SERAC1: variants seen among roughly 807,000 people sequenced by gnomAD.
The protein encoded by SERAC1 is serine active site containing 1.
SERAC1 carries 36 observed loss-of-function variants against 85.7 expected under a neutral mutation model. The ratio of observed to expected loss-of-function variants is 0.42; its 90% confidence interval spans 0.32 to 0.55. SERAC1 has a LOEUF of 0.55. Ranked by LOEUF, SERAC1 falls within the 20% of genes least tolerant of loss-of-function variation. SERAC1 has a pLI of 0.11. For missense variants in SERAC1, 629 were observed against 796.2 expected, an observed-to-expected ratio of 0.79 and a Z score of 2.53; for synonymous variants, 242 against 265.3, an observed-to-expected ratio of 0.91 and a Z score of 0.85.
rs961410433 is a variant in SERAC1, at chr6:158,117,455, G to A, written c.1403+272C>T. On this transcript the variant is annotated intron_variant, in intron 13 of 16. Coordinates refer to ENST00000647468, the MANE Select transcript of SERAC1 (RefSeq NM_032861.4). The surrounding 1 kb of genome is among the most constrained non-coding windows in gnomAD (Gnocchi z 4.3). ...TTTACTTCTGATAGAAAAGGAGACT[G>A]CTAGACAATCCACGATCCTTCACTA... 44 of 1,492,484 alleles carry A rather than the reference G, an allele frequency of 2.9e-5. No homozygotes were observed. Among genetic ancestry groups the A allele is most frequent in the Non-Finnish European group, 3.8e-5 (42 of 1,102,862 alleles). The allele number at this position is 1,492,484 out of a possible 1,614,324, so 92.5% of individuals were successfully genotyped here. A position where few individuals can be genotyped will look rare whatever the true frequency, so the allele number is the denominator to read the frequency against.
rs754630732 is a variant in SERAC1, at chr6:158,155,339, TTTA to T, written c.101_103del (p.Ile34del). On this transcript the variant is annotated inframe_deletion, in exon 3 of 17. Coordinates refer to ENST00000647468, the MANE Select transcript of SERAC1 (RefSeq NM_032861.4). ...CCCTAAAATAAGTGATCCAGTAAAC[TTTA>T]TTATATTTCCTTCAAAAGAAAAAAA... The T allele has an allele frequency of 1.9e-4, 301 of 1,553,002 alleles. 2 individuals carry two copies. In the South Asian group the frequency reaches 3.1e-3, roughly 16 times the overall value.
At chr6:158,158,438 A>G in intron 1 of SERAC1, 74 bp from the exon 2 acceptor site, 1 of 1,142,768 alleles carries the variant, frequency 8.8e-7, no homozygotes, top group East Asian at 2.4e-5. Context: ...CTACAAGAAC[A>G]TGTTACCATC....
Position 158,152,347 on chromosome 6 carries a change from C to T in SERAC1, c.129-1758G>A, listed in dbSNP as rs552994483. The stretch of plus-strand genomic sequence containing the variant: ...CCTGGCCAACATGGCAAAACCAAGG[C>T]TCTACTAAAAATACAAAACTTAGCC... On this transcript the variant is annotated intron_variant, in intron 3 of 16. Coordinates refer to ENST00000647468, the MANE Select transcript of SERAC1 (RefSeq NM_032861.4). 1.6e-3 allele frequency among the ~76,000 whole-genome samples: 241 copies of T among 152,288 alleles called. 1 individual carries two copies. Among genetic ancestry groups the T allele is most frequent in the African/African-American group, 5.5e-3 (230 of 41,556 alleles).
chr6:158,128,268 T>C lies in SERAC1; in HGVS notation c.855A>G (p.Ile285Met), dbSNP rs745441822. Residue 285 changes from isoleucine to methionine, a missense_variant and splice_region_variant, in exon 10 of 17, where the codon ATA (isoleucine) becomes ATG (methionine). Coordinates refer to ENST00000647468, the MANE Select transcript of SERAC1 (RefSeq NM_032861.4). ...CLEAIVKHSE[I>M]STHCDKIEAN... is the part of the protein sequence containing the mutation. ...CTTCGATTTTATCACAATGTGTGGA[T>C]ATCTGGCACAATAAATAAACAGAAG... 2.2e-5 allele frequency: 36 copies of C among 1,613,056 alleles called. 1 individual carries two copies. In the South Asian group the frequency reaches 3.9e-4, roughly 17 times the overall value.
At chr6:158,128,416 G>A in intron 9 of SERAC1, 146 bp from the exon 10 acceptor site, 1 of 652,736 alleles carries the variant, frequency 1.5e-6, no homozygotes, top group Non-Finnish European at 2.6e-6. Flanking sequence ...GTCTCAGCTT[G>A]CTTAAATAAG....
rs1159200644 is a variant in SERAC1 at position 158,113,642 on chromosome 6, T to C, written c.1685-50A>G. The C allele has an allele frequency of 2.0e-6, 3 of 1,463,542 alleles. 1 individual carries two copies. The South Asian group carries it at 3.9e-5, about 19-fold the overall frequency. 90.7% of individuals were successfully genotyped at this position (1,463,542 alleles called of 1,614,324 possible). On this transcript the variant is annotated intron_variant, in intron 15 of 16. Coordinates refer to ENST00000647468, the MANE Select transcript of SERAC1 (RefSeq NM_032861.4). ...TGTGACAAGTTGTTTACCCAATTCATAATAAAATGCATTAATCTTTCAAAT... is the reference window on the plus strand; with the variant it reads ...TGTGACAAGTTGTTTACCCAATTCACAATAAAATGCATTAATCTTTCAAAT...
At chr6:158,142,240 A>C (rs967272476) in intron 8 of SERAC1, among the ~76,000 whole-genome samples, 1 of 151,888 alleles carries the variant, frequency 6.6e-6, no homozygotes, top group African/African-American at 2.4e-5. Context: ...AGCTCACTGA[A>C]GCCTCAGTCT....
chr6:158,133,870 G>GT (rs1784736679), intron 8 of SERAC1, among the ~76,000 whole-genome samples: 1 of 152,146 alleles, frequency 6.6e-6, no homozygotes, highest in Non-Finnish European at 1.5e-5. Flanking sequence ...AATTACCTTT[G>GT]TTTTTTCCTA....
chr6:158,140,286 T>C (rs1193245768), intron 8 of SERAC1, among the ~76,000 whole-genome samples: 1 of 152,160 alleles, frequency 6.6e-6, no homozygotes, highest in African/African-American at 2.4e-5. Context: ...TCTGCCCTAC[T>C]CAACCTCTAG....
At chr6:158,156,827 A>C (rs531672576) in intron 2 of SERAC1, among the ~76,000 whole-genome samples, 75 of 133,894 alleles carry the variant, frequency 5.6e-4, no homozygotes, top group African/African-American at 2.0e-3. Context: ...TAATATATTA[A>C]TATATTATAT....
chr6:158,123,072 T>C (rs1383174889), intron 10 of SERAC1, among the ~76,000 whole-genome samples: 1 of 152,126 alleles, frequency 6.6e-6, no homozygotes, highest in Non-Finnish European at 1.5e-5. Flanking sequence ...AGACACAGGA[T>C]GCCTAAAGAG....
chr6:158,148,972 T>C lies in SERAC1; in HGVS notation c.266-18A>G, dbSNP rs751731905. 3.2e-6 allele frequency: 5 copies of C among 1,565,204 alleles called. No individual in the cohort carries two copies. The South Asian group carries it at 3.5e-5, about 11-fold the overall frequency. ...GGCAATACCTAAAATGATTATAAAATTAAGTAAAACCAAGAATGTATTTTT... is the reference window on the plus strand; with the variant it reads ...GGCAATACCTAAAATGATTATAAAACTAAGTAAAACCAAGAATGTATTTTT... On this transcript the variant is annotated intron_variant, in intron 4 of 16. Transcript: ENST00000647468.
At chr6:158,146,574 A>C in intron 6 of SERAC1, 1 of 403,902 alleles carries the variant, frequency 2.5e-6, no homozygotes. Context: ...ATGCCTGGCT[A>C]ATTTTTTTGT....
rs1020038438 is a variant in SERAC1, at chr6:158,144,879, G to A, written c.488-459C>T. Among the ~76,000 whole-genome samples, 3 of 152,146 alleles carry A rather than the reference G, an allele frequency of 2.0e-5. No individual in the cohort carries two copies. The East Asian group carries it at 5.8e-4, about 29-fold the overall frequency. ...GATAGCAGTACTTTGAATTAAACATGCCATTCTTTATATATCAAAAACAAA... is the reference window on the plus strand; with the variant it reads ...GATAGCAGTACTTTGAATTAAACATACCATTCTTTATATATCAAAAACAAA... On this transcript the variant is annotated intron_variant, in intron 6 of 16. Coordinates refer to ENST00000647468, the MANE Select transcript of SERAC1 (RefSeq NM_032861.4).
intron 9 of SERAC1, among the ~76,000 whole-genome samples, chr6:158,128,534 G>T (rs1404404343): frequency 1.3e-5 from 2 of 152,186 alleles, no homozygotes; most frequent in African/African-American, 4.8e-5. Flanking sequence ...CTTAGCTCTT[G>T]GTTGGATGTA....
chr6:158,114,455 G>A (rs1373531307), intron 15 of SERAC1: 1 of 1,083,252 alleles, frequency 9.2e-7, no homozygotes, highest in Admixed American at 4.8e-5. Flanking sequence ...CATTTTAACA[G>A]TTGATGATTC....
chr6:158,154,615 A>G (rs909461775), intron 3 of SERAC1, among the ~76,000 whole-genome samples: 9 of 152,158 alleles, frequency 5.9e-5, no homozygotes, highest in Admixed American at 2.0e-4. Context: ...AAAAATAACA[A>G]TTTGCTGAAA....
rs546168013 is a variant in SERAC1, at chr6:158,117,539, T to C, written c.1403+188A>G. The C allele has an allele frequency of 6.4e-7, 1 of 1,550,728 alleles. No individual in the cohort carries two copies. The highest frequency in any genetic ancestry group is 1.4e-5 in the African/African-American group (1 of 73,186). ...CCACCATTGGTGATATACCTAAGCC[T>C]TCTACTATTCCACTGCTTATTGACA... On this transcript the variant is annotated intron_variant, in intron 13 of 16. Transcript: ENST00000647468. The surrounding 1 kb of genome is among the most constrained non-coding windows in gnomAD (Gnocchi z 4.3).
At chr6:158,133,412 GTC>G (rs376014147) in intron 8 of SERAC1, among the ~76,000 whole-genome samples, 38 of 117,938 alleles carry the variant, frequency 3.2e-4, no homozygotes, top group African/African-American at 1.1e-3. Flanking sequence ...TTGAGATGGA[GTC>G]TCTCTCTGTC....
Sources: gnomAD v4.1 joint callset for allele counts (sites outside exome capture counted in the v4.1 genomes callset) on GRCh38, gnomAD v4.1.1 for gene constraint, Gnocchi (gnomAD v3.1) non-coding constraint, MANE v1.5 for transcripts, NCBI Gene and HGNC (gene_info 2026-07-23, HGNC 2026-07-21) for gene names.